The following PPP1R12A variants were observed in gnomAD, a reference collection of about 807,000 sequenced individuals.
The protein encoded by PPP1R12A is myosin binding subunit.
A neutral mutation model predicts 139.6 loss-of-function variants in PPP1R12A; 19 were observed. The observed-to-expected ratio is 0.14, with a 90% CI of 0.09 to 0.20. The LOEUF is 0.20. Ranked by LOEUF, PPP1R12A falls within the 10% of genes least tolerant of loss-of-function variation. PPP1R12A has a pLI of 1.00. For synonymous variants in PPP1R12A, 427 were observed against 420.6 expected (o/e 1.02, Z -0.19); for missense variants, 925 against 1,211.5 (o/e 0.76, Z 3.51).
intron 1 of PPP1R12A, among the ~76,000 whole-genome samples, chr12:79,889,663 A>C (rs1288863990): frequency 1.2e-4 from 19 of 152,308 alleles, no homozygotes; most frequent in Non-Finnish European, 2.5e-4. Flanking sequence ...TATGAACAAC[A>C]CATACTACAG....
intron 2 of PPP1R12A, among the ~76,000 whole-genome samples, chr12:79,847,168 T>C (rs760468156): frequency 3.3e-5 from 5 of 152,206 alleles, no homozygotes; most frequent in African/African-American, 7.2e-5. Flanking sequence ...CATAAATTTA[T>C]ATGTGTGTAA....
intron 3 of PPP1R12A, among the ~76,000 whole-genome samples, chr12:79,839,917 C>CT (rs1012863605): frequency 6.6e-6 from 1 of 152,058 alleles, no homozygotes; most frequent in African/African-American, 2.4e-5. Flanking sequence ...ATTTAGGGTG[C>CT]TTTTTTATAA....
At position 79,807,137 on chromosome 12, in the gene PPP1R12A, A is replaced by G. The variant is rs370014313; in HGVS notation, c.1655+89T>C. ...ATTTAATAAAAACACATATTTGTTT[A>G]AAATGATGTTAAACTGAGGGCTCCA... On this transcript the variant is annotated intron_variant, in intron 12 of 24. Coordinates refer to ENST00000450142, the MANE Select transcript of PPP1R12A (RefSeq NM_002480.3). 3 of 685,512 alleles carry G rather than the reference A, an allele frequency of 4.4e-6. No individual in the cohort carries two copies. The East Asian group carries it at 9.0e-5, about 21-fold the overall frequency. 42.5% of individuals were successfully genotyped at this position (685,512 alleles called of 1,614,324 possible).
At chr12:79,872,718 A>C in intron 2 of PPP1R12A, 90 bp downstream of exon 2, 1 of 1,333,964 alleles carries the variant, frequency 7.5e-7, no homozygotes, top group Non-Finnish European at 1.0e-6. Flanking sequence ...AAGTAATATA[A>C]GAGTTCACTC....
intron 1 of PPP1R12A, among the ~76,000 whole-genome samples, chr12:79,933,123 A>G (rs1330537965): frequency 2.0e-5 from 3 of 152,244 alleles, no homozygotes; most frequent in Non-Finnish European, 2.9e-5. Flanking sequence ...AATAAACTTC[A>G]CCCAAATAAA....
intron 5 of PPP1R12A, among the ~76,000 whole-genome samples, chr12:79,824,348 T>C (rs546428330): frequency 6.6e-6 from 1 of 152,196 alleles, no homozygotes; most frequent in Non-Finnish European, 1.5e-5. Flanking sequence ...TTAAGCATTA[T>C]CAACCCTTCT....
chr12:79,836,290 A>T (rs998263241), intron 3 of PPP1R12A, among the ~76,000 whole-genome samples: 8 of 152,132 alleles, frequency 5.3e-5, no homozygotes, highest in African/African-American at 1.9e-4. Context: ...CCTTTCTATT[A>T]AGTGATTTAT....
At chr12:79,799,916 A>T (rs1872905295) in intron 14 of PPP1R12A, among the ~76,000 whole-genome samples, 1 of 152,028 alleles carries the variant, frequency 6.6e-6, no homozygotes, top group African/African-American at 2.4e-5. Context: ...GGCTGAGATG[A>T]GAGGATCACC....
intron 3 of PPP1R12A, among the ~76,000 whole-genome samples, chr12:79,837,052 TA>T (rs1469184248): frequency 2.6e-5 from 4 of 152,238 alleles, no homozygotes; most frequent in African/African-American, 9.6e-5. Flanking sequence ...TAATTATCAT[TA>T]TCAGTTTGAA....
rs775806912 is a variant in PPP1R12A at position 79,832,367 on chromosome 12, G to A, written c.612C>T (p.His204=). The A allele has an allele frequency of 1.4e-5, 23 of 1,612,522 alleles. No individual in the cohort carries two copies. Among genetic ancestry groups the A allele is most frequent in the African/African-American group, 1.1e-4 (8 of 74,858 alleles). The part of the protein sequence containing the change: ...RHAKSGGTAL[H]VAAAKGYTEV... ...CCGTATAGCCTTTAGCAGCTGCAAC[G>A]TGAAGTGCTGTACCTCCAGATTTTG... The change falls in exon 4 of 25, where the codon CAC becomes CAT. Residue 204 remains histidine (H), a synonymous_variant. Transcript: ENST00000450142.
At chr12:79,882,597 A>C (rs564936588) in intron 1 of PPP1R12A, among the ~76,000 whole-genome samples, 26 of 152,328 alleles carry the variant, frequency 1.7e-4, no homozygotes, top group Middle Eastern at 3.4e-3. Flanking sequence ...AATAGCAATA[A>C]AAGGTTTAGA....
intron 17 of PPP1R12A, 72 bp downstream of exon 17, chr12:79,796,710 A>C (rs990301823): frequency 2.1e-5 from 26 of 1,254,462 alleles, no homozygotes; most frequent in African/African-American, 3.1e-5. Flanking sequence ...CTGTTGAATT[A>C]TTATTTAGGA....
chr12:79,834,449 T>TA (rs773458528), intron 3 of PPP1R12A, among the ~76,000 whole-genome samples: 65 of 152,274 alleles, frequency 4.3e-4, no homozygotes, highest in Non-Finnish European at 7.5e-4. Context: ...GCTACTGCAA[T>TA]AATCTAGGCA....
chr12:79,811,273 T>C (rs1314542353), intron 9 of PPP1R12A, among the ~76,000 whole-genome samples: 5 of 152,242 alleles, frequency 3.3e-5, no homozygotes, highest in Non-Finnish European at 7.3e-5. Flanking sequence ...GTTATAAAGA[T>C]ATACCTCTGG....
At chr12:79,910,552 A>AT (rs1886487121) in intron 1 of PPP1R12A, among the ~76,000 whole-genome samples, 1 of 151,798 alleles carries the variant, frequency 6.6e-6, no homozygotes, top group Non-Finnish European at 1.5e-5. Context: ...TATTCTTAAA[A>AT]AAAAAAACTT....
At chr12:79,848,733 G>C (rs1039606860) in intron 2 of PPP1R12A, 1 of 152,024 alleles carries the variant, frequency 6.6e-6, no homozygotes, top group African/African-American at 2.4e-5. Context: ...AAATGTAAAT[G>C]TTACAAAGGC....
intron 1 of PPP1R12A, among the ~76,000 whole-genome samples, chr12:79,906,187 A>T (rs1886094121): frequency 6.6e-6 from 1 of 152,218 alleles, no homozygotes; most frequent in Admixed American, 6.5e-5. Context: ...ACAGAATTGG[A>T]ATGGTTAATA....
At chr12:79,850,790 G>A (rs1879948961) in intron 2 of PPP1R12A, among the ~76,000 whole-genome samples, 1 of 152,018 alleles carries the variant, frequency 6.6e-6, no homozygotes, top group Non-Finnish European at 1.5e-5. Flanking sequence ...GAGTTCTCAC[G>A]AGATATGGCT....
At chr12:79,856,487 T>G (rs1369976875) in intron 2 of PPP1R12A, among the ~76,000 whole-genome samples, 1 of 152,268 alleles carries the variant, frequency 6.6e-6, no homozygotes, top group African/African-American at 2.4e-5. Context: ...AAGACTAGTC[T>G]ATTTCTTTGG....
Sources: allele counts gnomAD v4.1 joint callset (sites outside exome capture counted in the v4.1 genomes callset), GRCh38; gene constraint gnomAD v4.1.1; transcripts MANE v1.5; gene names NCBI Gene and HGNC (gene_info 2026-07-23, HGNC 2026-07-21).